IQSEC3: variants seen among roughly 807,000 people sequenced by gnomAD.
The protein encoded by IQSEC3 is IQ motif and SEC7 domain-containing protein 3.
In IQSEC3, 50 loss-of-function variants were observed where a neutral mutation model predicts 105.4. The observed-to-expected ratio is 0.47, with a 90% CI of 0.38 to 0.60. The LOEUF (loss-of-function observed/expected upper bound fraction) is 0.60. Among genes scored for constraint, IQSEC3 ranks in the 20% least tolerant of loss-of-function variants. IQSEC3 has a pLI of 0.00. For synonymous variants in IQSEC3, 708 were observed against 746.0 expected (o/e 0.95, Z 0.83); for missense variants, 1,415 against 1,630.0 (o/e 0.87, Z 2.27).
chr12:150,248 C>T (rs1866453024), intron 5 of IQSEC3, among the ~76,000 whole-genome samples: 1 of 152,128 alleles, frequency 6.6e-6, no homozygotes, highest in East Asian at 1.9e-4. Flanking sequence ...CTTCAGGCCC[C>T]CTGTGTTGGT....
At chr12:154,180 C>G (rs1866604584) in intron 5 of IQSEC3, among the ~76,000 whole-genome samples, 1 of 152,250 alleles carries the variant, frequency 6.6e-6, no homozygotes, top group South Asian at 2.1e-4. Flanking sequence ...CCTTGGCTCT[C>G]AGGCTCTCAG....
At chr12:80,747 A>T (rs540400989) in intron 1 of IQSEC3, among the ~76,000 whole-genome samples, 14 of 152,340 alleles carry the variant, frequency 9.2e-5, no homozygotes, top group African/African-American at 2.2e-4. Flanking sequence ...AGCCCTGGAG[A>T]AAAAGCAGAG....
chr12:169,195 T>G, intron 12 of IQSEC3, 90 bp downstream of exon 12: 7 of 1,035,296 alleles, frequency 6.8e-6, no homozygotes, highest in Admixed American at 2.0e-5. Flanking sequence ...CAGGGAGAGG[T>G]GCCCATTCCC....
chr12:142,492 T>A (rs781867022), intron 5 of IQSEC3: 7 of 152,162 alleles, frequency 4.6e-5, no homozygotes, highest in Non-Finnish European at 1.0e-4. Context: ...GTTCAATGAG[T>A]GAGGGCTGGG....
intron 3 of IQSEC3, among the ~76,000 whole-genome samples, chr12:127,946 C>T (rs1291654486): frequency 3.3e-5 from 5 of 152,136 alleles, no homozygotes; most frequent in African/African-American, 7.2e-5. Context: ...AGACTGAACT[C>T]GACTCCTCTC....
At chr12:87,935 C>T (rs945967105) in intron 1 of IQSEC3, among the ~76,000 whole-genome samples, 5 of 152,104 alleles carry the variant, frequency 3.3e-5, no homozygotes, top group African/African-American at 4.8e-5. Context: ...TGTATACGTG[C>T]GGTTAGGTAG....
At chr12:69,782 G>T (rs1251922547) in intron 1 of IQSEC3, among the ~76,000 whole-genome samples, 1 of 152,264 alleles carries the variant, frequency 6.6e-6, no homozygotes. Flanking sequence ...CAGAGCTCAG[G>T]ACGGAATCAC....
intron 2 of IQSEC3, among the ~76,000 whole-genome samples, chr12:123,519 T>A (rs1555082365): frequency 6.6e-6 from 1 of 152,074 alleles, no homozygotes; most frequent in Non-Finnish European, 1.5e-5. Flanking sequence ...ACAGAAGAAA[T>A]GGTGGACATA....
chr12:166,003 C>CTAGGCTGCCTTCTTACTAT, intron 11 of IQSEC3, 113 bp downstream of exon 11: 1 of 1,239,106 alleles, frequency 8.1e-7, no homozygotes, highest in South Asian at 1.5e-5. Flanking sequence ...TTCGGACCCT[C>CTAGGCTGCCTTCTTACTAT]CCCGTGTCCA....
chr12:87,281 C>T (rs1555072325), intron 1 of IQSEC3, among the ~76,000 whole-genome samples: 1 of 152,044 alleles, frequency 6.6e-6, no homozygotes, highest in East Asian at 1.9e-4. Context: ...TCCATGGAGT[C>T]ATTTGGGCTT....
At chr12:124,032 G>C (rs1174950925) in intron 2 of IQSEC3, among the ~76,000 whole-genome samples, 2 of 152,106 alleles carry the variant, frequency 1.3e-5, no homozygotes, top group Admixed American at 1.3e-4. Context: ...AGGGGCTGGG[G>C]GACGTAATGA....
intron 1 of IQSEC3, among the ~76,000 whole-genome samples, chr12:75,888 G>A (rs551899834): frequency 1.4e-3 from 216 of 152,374 alleles, no homozygotes; most frequent in African/African-American, 4.9e-3. Context: ...GCTGCTCTCA[G>A]AGGTTCAGTT....
At chr12:76,572 T>C (rs868938449) in intron 1 of IQSEC3, among the ~76,000 whole-genome samples, 6 of 152,274 alleles carry the variant, frequency 3.9e-5, no homozygotes, top group Non-Finnish European at 7.3e-5. Context: ...AAGTGTTTCA[T>C]CTCCATTGGC....
Position 138,609 on chromosome 12 carries a change from G to C in IQSEC3, c.1246G>C (p.Ala416Pro). ...VQSLAKSIDD[A>P]LSTWSLKTMC... Reference sequence around the variant, plus strand: ...ATCCCTGGCCAAGTCCATCGACGACGCGCTCAGCACGTGGAGCCTCAAGAC... The same window carrying C: ...ATCCCTGGCCAAGTCCATCGACGACCCGCTCAGCACGTGGAGCCTCAAGAC... The change falls in exon 4 of 14, where the codon GCG becomes CCG. Residue 416 changes from alanine (A) to proline (P), a missense_variant. Ala to Pro is a conservative substitution (Grantham distance 27). Around this residue, in one of 6 missense-constraint regions of IQSEC3, gnomAD observed 720 missense variants for 633.0 expected, o/e 1.14. Coordinates refer to ENST00000538872, the MANE Select transcript of IQSEC3 (RefSeq NM_001170738.2). The surrounding 1 kb of genome is among the most constrained non-coding windows in gnomAD (Gnocchi z 7.1). The C allele has an allele frequency of 1.9e-6, 3 of 1,588,906 alleles. No homozygotes were observed. Among genetic ancestry groups the C allele is most frequent in the Non-Finnish European group, 2.6e-6 (3 of 1,175,214 alleles).
intron 3 of IQSEC3, chr12:137,563 T>C (rs578163350): frequency 6.6e-6 from 1 of 151,344 alleles, no homozygotes; most frequent in African/African-American, 2.4e-5. Context: ...CAGAATATTT[T>C]AACACAACTT....
intron 2 of IQSEC3, among the ~76,000 whole-genome samples, chr12:122,027 C>T (rs75052624): frequency 0.018 from 2,728 of 152,308 alleles, 87 homozygotes; most frequent in African/African-American, 0.06. Flanking sequence ...ACGTTGAGAA[C>T]AGTCCAGGGG....
chr12:91,691 GGGAGGTT>G (rs1171669614), intron 1 of IQSEC3, among the ~76,000 whole-genome samples: 7 of 152,176 alleles, frequency 4.6e-5, no homozygotes, highest in Admixed American at 2.0e-4. Flanking sequence ...GCTTGAGCCT[GGGAGGTT>G]GGAGGTTGGA....
intron 1 of IQSEC3, among the ~76,000 whole-genome samples, chr12:82,942 T>C (rs1863794016): frequency 6.6e-6 from 1 of 152,104 alleles, no homozygotes; most frequent in Non-Finnish European, 1.5e-5. Flanking sequence ...CAGCAGGGGA[T>C]AGGGGAAAGA....
chr12:173,901 G>A (rs1052215690), intron 13 of IQSEC3, among the ~76,000 whole-genome samples: 68 of 152,184 alleles, frequency 4.5e-4, no homozygotes, highest in Non-Finnish European at 1.5e-4. Flanking sequence ...CCGCCTTGGG[G>A]ATCAAGGTTA....
Sources: allele counts gnomAD v4.1 joint callset (sites outside exome capture counted in the v4.1 genomes callset), GRCh38; gene constraint gnomAD v4.1.1; regional missense constraint gnomAD v4.1.1; non-coding constraint Gnocchi (gnomAD v3.1); transcripts MANE v1.5; gene names NCBI Gene and HGNC (gene_info 2026-07-23, HGNC 2026-07-21).